ITPR2: variants seen among roughly 807,000 people sequenced by gnomAD.
The protein encoded by ITPR2 is inositol 1,4,5-trisphosphate receptor type 2, also known as inositol 1,4,5-trisphosphate-gated calcium channel ITPR2.
Under a neutral mutation model 317.1 loss-of-function variants are expected in ITPR2, and 207 were observed. That is an observed-to-expected ratio of 0.65 (90% confidence interval 0.58 to 0.73). The LOEUF is 0.73. Ranked by LOEUF, ITPR2 falls within the 30% of genes least tolerant of loss-of-function variation. The probability of loss-of-function intolerance (pLI) is 0.00; values close to 1 mark genes in which losing one functional copy is unlikely to be tolerated. For synonymous variants in ITPR2, 1,156 were observed against 1,149.1 expected (o/e 1.01, Z -0.12); for missense variants, 2,613 against 3,284.0 (o/e 0.80, Z 4.99).
chr12:26,460,556 G>T (rs934468174), intron 45 of ITPR2, among the ~76,000 whole-genome samples: 3 of 152,170 alleles, frequency 2.0e-5, no homozygotes, highest in Non-Finnish European at 2.9e-5. Flanking sequence ...GCTGTCTCTG[G>T]ATCAGATGAT....
chr12:26,604,399 C>A (rs1338998050), intron 26 of ITPR2, among the ~76,000 whole-genome samples: 1 of 152,150 alleles, frequency 6.6e-6, no homozygotes, highest in Non-Finnish European at 1.5e-5. Flanking sequence ...CCAGTGATAT[C>A]CACAAACCTG....
intron 32 of ITPR2, among the ~76,000 whole-genome samples, chr12:26,587,792 A>C (rs1945571691): frequency 6.9e-6 from 1 of 145,490 alleles, no homozygotes; most frequent in South Asian, 2.1e-4. Flanking sequence ...TGGCTGCTAG[A>C]TAAAGAATAG....
chr12:26,810,589 G>A (rs1460866490), intron 1 of ITPR2, among the ~76,000 whole-genome samples: 1 of 152,188 alleles, frequency 6.6e-6, no homozygotes, highest in South Asian at 2.1e-4. Flanking sequence ...CATTCCAAGC[G>A]TTGCCTAAAG....
chr12:26,606,603 A>T (rs1221584426), intron 26 of ITPR2, among the ~76,000 whole-genome samples: 1 of 151,384 alleles, frequency 6.6e-6, no homozygotes, highest in Non-Finnish European at 1.5e-5. Context: ...AAATTATATA[A>T]GAAAGTAATA....
chr12:26,671,317 C>G (rs1289533242), intron 13 of ITPR2, among the ~76,000 whole-genome samples: 3 of 152,178 alleles, frequency 2.0e-5, no homozygotes, highest in Non-Finnish European at 4.4e-5. Context: ...GGGTTACCCA[C>G]AAAGGGAAGC....
intron 55 of ITPR2, among the ~76,000 whole-genome samples, chr12:26,364,650 T>C (rs1179966682): frequency 6.6e-6 from 1 of 152,160 alleles, no homozygotes; most frequent in Non-Finnish European, 1.5e-5. Flanking sequence ...CTCTGCTCAT[T>C]CAGCAACCAA....
intron 9 of ITPR2, among the ~76,000 whole-genome samples, chr12:26,705,948 T>C (rs1948542364): frequency 6.6e-6 from 1 of 152,240 alleles, no homozygotes; most frequent in Non-Finnish European, 1.5e-5. Flanking sequence ...ATAGCCCTTT[T>C]AAAGACAACT....
intron 15 of ITPR2, among the ~76,000 whole-genome samples, 160 bp downstream of exon 15, chr12:26,663,525 A>G (rs1473209623): frequency 1.3e-5 from 2 of 152,254 alleles, no homozygotes; most frequent in Admixed American, 6.5e-5. Flanking sequence ...AATACAACTC[A>G]AAAATACTTA....
At chr12:26,468,421 T>C (rs1942221730) in intron 45 of ITPR2, among the ~76,000 whole-genome samples, 3 of 152,188 alleles carry the variant, frequency 2.0e-5, no homozygotes, top group African/African-American at 2.4e-5. Flanking sequence ...AATGCTATTA[T>C]AAGCATTGTA....
chr12:26,738,545 T>C (rs890085518), intron 2 of ITPR2, among the ~76,000 whole-genome samples: 3 of 152,274 alleles, frequency 2.0e-5, no homozygotes, highest in African/African-American at 4.8e-5. Context: ...ATTTGTTTGT[T>C]GTTCTCTTCC....
chr12:26,569,291 T>C (rs535060601), intron 34 of ITPR2, among the ~76,000 whole-genome samples: 26 of 152,184 alleles, frequency 1.7e-4, no homozygotes, highest in South Asian at 6.2e-4. Flanking sequence ...CGGTGGTTCA[T>C]ACCTGTAATC....
rs1003326435 is a variant in ITPR2 at position 26,484,516 on chromosome 12, G to A, written c.5812-618C>T. 3.9e-5 allele frequency among the ~76,000 whole-genome samples: 6 copies of A among 152,006 alleles called. No individual in the cohort carries two copies. The East Asian group carries it at 5.8e-4, about 15-fold the overall frequency. On this transcript the variant is annotated intron_variant, in intron 41 of 56. Transcript: ENST00000381340. ...GTTCTCTGCATACTGCTTGTTATACGAACACCAGAAACCATATCATATGTA... is the reference window on the plus strand; with the variant it reads ...GTTCTCTGCATACTGCTTGTTATACAAACACCAGAAACCATATCATATGTA...
At chr12:26,676,117 C>T (rs1409498679) in intron 13 of ITPR2, among the ~76,000 whole-genome samples, 5 of 152,052 alleles carry the variant, frequency 3.3e-5, no homozygotes, top group Non-Finnish European at 7.4e-5. Context: ...AAGATCGTGC[C>T]ACTGCACTCC....
chr12:26,448,305 T>A (rs1350960886), intron 45 of ITPR2, among the ~76,000 whole-genome samples: 2 of 151,276 alleles, frequency 1.3e-5, no homozygotes, highest in African/African-American at 2.4e-5. Context: ...CAACAATCAA[T>A]ATTAATGATA....
At chr12:26,592,198 A>G (rs1205711026) in intron 32 of ITPR2, among the ~76,000 whole-genome samples, 1 of 152,232 alleles carries the variant, frequency 6.6e-6, no homozygotes, top group African/African-American at 2.4e-5. Context: ...CACTAAAAAA[A>G]TTGCAACAAC....
intron 2 of ITPR2, among the ~76,000 whole-genome samples, chr12:26,750,393 T>G (rs530077614): frequency 6.6e-6 from 1 of 152,128 alleles, no homozygotes; most frequent in Non-Finnish European, 1.5e-5. Context: ...GATGGGACCC[T>G]CCTCTTCTGG....
intron 36 of ITPR2, among the ~76,000 whole-genome samples, chr12:26,554,220 G>A (rs896708978): frequency 6.6e-5 from 10 of 152,138 alleles, no homozygotes; most frequent in Admixed American, 2.0e-4. Context: ...AAAAATACAC[G>A]TGTTCCATAT....
At chr12:26,798,719 T>C (rs1358209005) in intron 1 of ITPR2, among the ~76,000 whole-genome samples, 2 of 152,212 alleles carry the variant, frequency 1.3e-5, no homozygotes, top group African/African-American at 4.8e-5. Flanking sequence ...AATAGAAGTT[T>C]CTACAAATGT....
chr12:26,412,469 T>A (rs914233330), intron 51 of ITPR2, among the ~76,000 whole-genome samples: 2 of 152,016 alleles, frequency 1.3e-5, no homozygotes, highest in South Asian at 4.1e-4. Flanking sequence ...GAGAGAAGAG[T>A]GTGCCCTGTG....
Sources: allele counts gnomAD v4.1 joint callset (sites outside exome capture counted in the v4.1 genomes callset), GRCh38; gene constraint gnomAD v4.1.1; transcripts MANE v1.5; gene names NCBI Gene and HGNC (gene_info 2026-07-23, HGNC 2026-07-21).